The following AGAP1 variants were observed in gnomAD, a reference collection of about 807,000 sequenced individuals.
AGAP1 encodes ArfGAP with GTPase domain, ankyrin repeat and PH domain 1.
In AGAP1, 29 loss-of-function variants were observed where a neutral mutation model predicts 105.3. The observed-to-expected ratio is 0.28, with a 90% CI of 0.21 to 0.38. The LOEUF (loss-of-function observed/expected upper bound fraction) is 0.38. Among genes scored for constraint, AGAP1 ranks in the 10% least tolerant of loss-of-function variants. The pLI, the probability that AGAP1 is intolerant of heterozygous loss-of-function variation, is 1.00. For synonymous variants in AGAP1, 509 were observed against 485.9 expected, an observed-to-expected ratio of 1.05 and a Z score of -0.63; for missense variants, 998 against 1,165.1, an observed-to-expected ratio of 0.86 and a Z score of 2.09.
chr2:235,794,172 A>G (rs1957131756), intron 6 of AGAP1, among the ~76,000 whole-genome samples: 1 of 152,070 alleles, frequency 6.6e-6, no homozygotes, highest in African/African-American at 2.4e-5. Context: ...TACAATGTAC[A>G]CACACACACG....
At chr2:235,496,539 C>T (rs1479323885) in intron 1 of AGAP1, among the ~76,000 whole-genome samples, 1 of 152,200 alleles carries the variant, frequency 6.6e-6, no homozygotes, top group Non-Finnish European at 1.5e-5. Flanking sequence ...CTGGCTGCAT[C>T]CACAGAAGTC....
intron 11 of AGAP1, among the ~76,000 whole-genome samples, chr2:235,923,278 G>T (rs537618628): frequency 2.0e-5 from 3 of 152,156 alleles, no homozygotes; most frequent in Non-Finnish European, 4.4e-5. Flanking sequence ...CTTATTGCTG[G>T]TACAGCTGTT....
At position 235,753,768 on chromosome 2, in the gene AGAP1, TC is replaced by T. The variant is rs1411574118; in HGVS notation, c.673+3282del. Among the ~76,000 whole-genome samples, 1 of 152,128 alleles carries T rather than the reference TC, an allele frequency of 6.6e-6. No homozygotes were observed. Among genetic ancestry groups the T allele is most frequent in the Non-Finnish European group, 1.5e-5 (1 of 68,024 alleles). ...AGCAAATACCTGTGAAGCTACAACTTCCGTGACTATTGCGATTTTTTTGTCC... is the reference window on the plus strand; with the variant it reads ...AGCAAATACCTGTGAAGCTACAACTTCGTGACTATTGCGATTTTTTTGTCC... On this transcript the variant is annotated intron_variant, in intron 6 of 17. Transcript: ENST00000304032. The surrounding 1 kb of genome is among the most constrained non-coding windows in gnomAD (Gnocchi z 4.5).
chr2:235,500,206 T>C (rs187874255), intron 1 of AGAP1, among the ~76,000 whole-genome samples: 11 of 152,080 alleles, frequency 7.2e-5, no homozygotes, highest in African/African-American at 2.7e-4. Flanking sequence ...ATTTCAGACA[T>C]AGAATCAATA....
chr2:235,959,998 A>G lies in AGAP1; in HGVS notation c.1484-8464A>G, dbSNP rs531518775. The stretch of plus-strand genomic sequence containing the variant: ...GAGTAAAATGTCCAGGGCCTGGGCT[A>G]TGGAGTGTTGGAGCATTGCCGTGGC... On this transcript the variant is annotated intron_variant, in intron 12 of 17. Coordinates refer to ENST00000304032, the MANE Select transcript of AGAP1 (RefSeq NM_001037131.3). The surrounding 1 kb of genome is among the most constrained non-coding windows in gnomAD (Gnocchi z 7.3). 4.6e-5 allele frequency among the ~76,000 whole-genome samples: 7 copies of G among 152,302 alleles called. No homozygotes were observed. The highest frequency in any genetic ancestry group is 7.2e-5 in the African/African-American group (3 of 41,566).
At chr2:235,909,395 T>C (rs1018126015) in intron 11 of AGAP1, among the ~76,000 whole-genome samples, 23 of 152,340 alleles carry the variant, frequency 1.5e-4, no homozygotes, top group African/African-American at 3.8e-4. Flanking sequence ...TGTATTCTCT[T>C]TTAAAGGAGA....
intron 1 of AGAP1, among the ~76,000 whole-genome samples, chr2:235,695,699 G>A (rs376541986): frequency 3.9e-5 from 6 of 152,302 alleles, no homozygotes; most frequent in Middle Eastern, 6.8e-3. Context: ...AGGGCCGGGC[G>A]CAGTGGGGGC....
intron 1 of AGAP1, among the ~76,000 whole-genome samples, chr2:235,571,960 A>G (rs866533723): frequency 2.6e-3 from 99 of 38,144 alleles, no homozygotes; most frequent in African/African-American, 4.9e-3. Context: ...GTGTGTGTGT[A>G]TACATATATA....
chr2:235,850,307 A>G (rs918361638), intron 9 of AGAP1, among the ~76,000 whole-genome samples: 1 of 152,244 alleles, frequency 6.6e-6, no homozygotes, highest in Non-Finnish European at 1.5e-5. Flanking sequence ...GGAAATCTCC[A>G]TAGCCACAAG....
rs147704221 is a variant in AGAP1, at chr2:235,509,127, T to C, written c.163+14278T>C. Among the ~76,000 whole-genome samples, 519 of 152,356 alleles carry C rather than the reference T, an allele frequency of 3.4e-3. 1 individual carries two copies. The highest frequency in any genetic ancestry group is 9.6e-3 in the African/African-American group (401 of 41,580). ...CTCATGTGATGTGAACGATTACTTATAGTTACCGTGAAAATTAATGGTGGG... is the reference window on the plus strand; with the variant it reads ...CTCATGTGATGTGAACGATTACTTACAGTTACCGTGAAAATTAATGGTGGG... On this transcript the variant is annotated intron_variant, in intron 1 of 17. Transcript: ENST00000304032.
rs986824505 is a variant in AGAP1 at position 235,960,578 on chromosome 2, G to A, written c.1484-7884G>A. Reference sequence around the variant, plus strand: ...TGCACCTGTGGCCCCTGCTATCGGCGTGCTTACTGGAGATGCGATTCCCCT... The same window carrying A: ...TGCACCTGTGGCCCCTGCTATCGGCATGCTTACTGGAGATGCGATTCCCCT... On this transcript the variant is annotated intron_variant, in intron 12 of 17. Coordinates refer to ENST00000304032, the MANE Select transcript of AGAP1 (RefSeq NM_001037131.3). This position sits in a 1 kb window ranked among gnomAD's most constrained non-coding sequence, Gnocchi z 4.9. Among the ~76,000 whole-genome samples the A allele has an allele frequency of 2.0e-5, 3 of 152,158 alleles. No individual in the cohort carries two copies. Among genetic ancestry groups the A allele is most frequent in the African/African-American group, 7.2e-5 (3 of 41,430 alleles).
chr2:235,581,128 C>G (rs1559264824), intron 1 of AGAP1, among the ~76,000 whole-genome samples: 1 of 106,426 alleles, frequency 9.4e-6, no homozygotes, highest in Non-Finnish European at 1.8e-5. Context: ...GAAACCCCAT[C>G]TCAAGCAAAA....
At chr2:235,797,944 T>C in intron 7 of AGAP1, 58 bp downstream of exon 7, 1 of 1,586,024 alleles carries the variant, frequency 6.3e-7, no homozygotes, top group Non-Finnish European at 8.6e-7. Context: ...ATGCAAATAG[T>C]GTTCCCAGCC....
Position 236,082,644 on chromosome 2 carries a change from C to A in AGAP1, c.2114+33363C>A, listed in dbSNP as rs1357962059. Among the ~76,000 whole-genome samples the A allele has an allele frequency of 1.3e-5, 2 of 152,062 alleles. No homozygotes were observed. Among genetic ancestry groups the A allele is most frequent in the African/African-American group, 4.8e-5 (2 of 41,402 alleles). Reference sequence around the variant, plus strand: ...ATCCCAACACTTTGGGAGGCCAAGACGGGTGGATCACCTGAGGCCAGGAGT... The same window carrying A: ...ATCCCAACACTTTGGGAGGCCAAGAAGGGTGGATCACCTGAGGCCAGGAGT... On this transcript the variant is annotated intron_variant, in intron 16 of 17. Transcript: ENST00000304032. The surrounding 1 kb of genome is among the most constrained non-coding windows in gnomAD (Gnocchi z 4.2).
At chr2:235,986,281 G>A (rs746042331) in intron 13 of AGAP1, among the ~76,000 whole-genome samples, 2 of 151,944 alleles carry the variant, frequency 1.3e-5, no homozygotes, top group Non-Finnish European at 2.9e-5. Flanking sequence ...GCTTATTGTT[G>A]GTGTAAAGGA....
chr2:236,052,709 A>AT lies in AGAP1; in HGVS notation c.2114+3434dup, dbSNP rs1576178918. ...TTGGATGGATTCTGCAACAACTGCC[A>AT]TTTTTTCCCAGTGCATTCGATATTA... is the stretch of plus-strand genomic sequence containing the variant. On this transcript the variant is annotated intron_variant, in intron 16 of 17. Transcript: ENST00000304032. Among the ~76,000 whole-genome samples, 5 of 152,182 alleles carry AT rather than the reference A, an allele frequency of 3.3e-5. No homozygotes were observed. The South Asian group carries it at 1.0e-3, about 32-fold the overall frequency.
At chr2:235,929,425 C>A (rs1187131426) in intron 11 of AGAP1, among the ~76,000 whole-genome samples, 1 of 152,156 alleles carries the variant, frequency 6.6e-6, no homozygotes, top group Non-Finnish European at 1.5e-5. Flanking sequence ...TGGAATCAAG[C>A]AGACCTGCCT....
chr2:235,499,681 C>T (rs1401895584), intron 1 of AGAP1, among the ~76,000 whole-genome samples: 1 of 152,154 alleles, frequency 6.6e-6, no homozygotes, highest in African/African-American at 2.4e-5. Flanking sequence ...GCTCACCCTG[C>T]GAGGCTCGGT....
Position 235,967,320 on chromosome 2 carries a change from A to G in AGAP1, c.1484-1142A>G, listed in dbSNP as rs1335134990. ...TACCCCAGCTACCCTATTTTAAATG[A>G]CACCCCCCATCACTGCCGCCTCTCC... On this transcript the variant is annotated intron_variant, in intron 12 of 17. Transcript: ENST00000304032. The surrounding 1 kb of genome is among the most constrained non-coding windows in gnomAD (Gnocchi z 4.7). Among the ~76,000 whole-genome samples the G allele has an allele frequency of 2.0e-5, 3 of 151,942 alleles. No homozygotes were observed. Among genetic ancestry groups the G allele is most frequent in the Admixed American group, 1.3e-4 (2 of 15,248 alleles).
Sources: gnomAD v4.1 joint callset for allele counts (sites outside exome capture counted in the v4.1 genomes callset) on GRCh38, gnomAD v4.1.1 for gene constraint, Gnocchi (gnomAD v3.1) non-coding constraint, MANE v1.5 for transcripts, NCBI Gene and HGNC (gene_info 2026-07-23, HGNC 2026-07-21) for gene names.